Variants in PLCE1 observed in about 807,000 individuals in gnomAD.
The protein encoded by PLCE1 is 1-phosphatidylinositol 4,5-bisphosphate phosphodiesterase epsilon-1.
PLCE1 carries 119 observed loss-of-function variants against 242.8 expected under a neutral mutation model. The observed-to-expected ratio is 0.49, with a 90% CI of 0.42 to 0.57. The LOEUF (loss-of-function observed/expected upper bound fraction) is 0.57. Among genes scored for constraint, PLCE1 ranks in the 20% least tolerant of loss-of-function variants. The probability of loss-of-function intolerance (pLI) is 0.00; values close to 1 mark genes in which losing one functional copy is unlikely to be tolerated. For synonymous variants in PLCE1, 945 were observed against 1,017.4 expected, an observed-to-expected ratio of 0.93 and a Z score of 1.35; for missense variants, 2,441 against 2,788.8, an observed-to-expected ratio of 0.88 and a Z score of 2.81.
Position 94,324,963 on chromosome 10 carries a change from A to G in PLCE1, c.6792A>G (p.Lys2264=). The G allele has an allele frequency of 6.2e-7, 1 of 1,614,174 alleles. No homozygotes were observed. The highest frequency in any genetic ancestry group is 8.5e-7 in the Non-Finnish European group (1 of 1,180,008). The change falls in exon 32 of 33, where the codon AAA becomes AAG. Residue 2264 remains lysine (K), a synonymous_variant. Transcript: ENST00000371380. The part of the protein sequence containing the change: ...SELKKLTKST[K]QPRGLTSPSQ... ...TCAAGAAGCTCACCAAGTCAACTAAACAGCCCCGAGGACTTACATCACCTT... is the reference window on the plus strand; with the variant it reads ...TCAAGAAGCTCACCAAGTCAACTAAGCAGCCCCGAGGACTTACATCACCTT...
intron 27 of PLCE1, among the ~76,000 whole-genome samples, chr10:94,311,146 C>T (rs1007704059): frequency 6.6e-6 from 1 of 152,148 alleles, no homozygotes; most frequent in Non-Finnish European, 1.5e-5. Flanking sequence ...CCCAGAACCT[C>T]GATGTGTTCA....
chr10:94,139,986 G>A (rs2046903584), intron 3 of PLCE1, among the ~76,000 whole-genome samples: 3 of 152,052 alleles, frequency 2.0e-5, no homozygotes, highest in Admixed American at 2.0e-4. Context: ...CAGATTGGTA[G>A]TCTAGTTTCC....
intron 28 of PLCE1, among the ~76,000 whole-genome samples, chr10:94,314,552 C>A (rs2053503783): frequency 6.6e-6 from 1 of 152,040 alleles, no homozygotes; most frequent in African/African-American, 2.4e-5. Flanking sequence ...CAAGATAACA[C>A]CATGGCACTC....
intron 24 of PLCE1, among the ~76,000 whole-genome samples, chr10:94,301,068 G>A (rs1029413250): frequency 1.3e-5 from 2 of 151,534 alleles, no homozygotes; most frequent in African/African-American, 4.9e-5. Context: ...CTAGGGGCCG[G>A]GCACGATGGC....
intron 1 of PLCE1, among the ~76,000 whole-genome samples, chr10:94,027,018 C>T (rs1276200240): frequency 6.6e-6 from 1 of 152,142 alleles, no homozygotes; most frequent in Non-Finnish European, 1.5e-5. Flanking sequence ...AATCAAACCC[C>T]AAAGTGGTTA....
At position 94,057,713 on chromosome 10, in the gene PLCE1, G is replaced by C. The variant is rs771400895; in HGVS notation, c.1206+25461G>C. On this transcript the variant is annotated intron_variant, in intron 2 of 32. Transcript: ENST00000371380. ...ATAACAAATGACCTCAAGTGTAGTG[G>C]CTTTAAACAATAGAAATTTATCATC... Among the ~76,000 whole-genome samples the C allele has an allele frequency of 9.9e-5, 15 of 152,098 alleles. 1 individual carries two copies. Among genetic ancestry groups the C allele is most frequent in the Non-Finnish European group, 2.2e-4 (15 of 68,032 alleles).
chr10:94,077,800 A>G (rs1326366131), intron 2 of PLCE1, among the ~76,000 whole-genome samples: 1 of 152,192 alleles, frequency 6.6e-6, no homozygotes, highest in East Asian at 1.9e-4. Context: ...CAGTGTTGGA[A>G]TAAATATTGG....
At chr10:94,045,687 C>T (rs2061867225) in intron 2 of PLCE1, among the ~76,000 whole-genome samples, 1 of 152,218 alleles carries the variant, frequency 6.6e-6, no homozygotes, top group Admixed American at 6.5e-5. Flanking sequence ...AATGCCTTTA[C>T]AGTTCCTGGG....
chr10:94,049,764 A>ATCT (rs2043711352), intron 2 of PLCE1, among the ~76,000 whole-genome samples: 1 of 152,168 alleles, frequency 6.6e-6, no homozygotes, highest in Non-Finnish European at 1.5e-5. Context: ...CCTTTGTTGT[A>ATCT]TCTCCTTTCA....
chr10:94,313,188 G>A, intron 27 of PLCE1, 66 bp from the exon 28 acceptor site: 1 of 1,587,176 alleles, frequency 6.3e-7, no homozygotes, highest in Non-Finnish European at 8.6e-7. Flanking sequence ...TAGCACCTCT[G>A]TATCAAATAG....
chr10:94,253,116 A>G (rs1469073016), intron 9 of PLCE1, among the ~76,000 whole-genome samples: 4 of 152,202 alleles, frequency 2.6e-5, no homozygotes, highest in African/African-American at 9.7e-5. Flanking sequence ...GTGATAATAT[A>G]TTTGCTTCAT....
At chr10:93,994,675 A>C (rs770054019) in intron 1 of PLCE1, among the ~76,000 whole-genome samples, 6 of 152,252 alleles carry the variant, frequency 3.9e-5, no homozygotes, top group Non-Finnish European at 7.3e-5. Context: ...GTCCCGCTCT[A>C]ACTGATAACT....
chr10:94,065,991 G>C (rs2044184538), intron 2 of PLCE1, among the ~76,000 whole-genome samples: 1 of 152,140 alleles, frequency 6.6e-6, no homozygotes, highest in South Asian at 2.1e-4. Context: ...TGCTTTGTCA[G>C]TGTCCTCTCT....
At chr10:94,272,997 T>G (rs2051804860) in intron 18 of PLCE1, among the ~76,000 whole-genome samples, 1 of 152,126 alleles carries the variant, frequency 6.6e-6, no homozygotes, top group Admixed American at 6.5e-5. Context: ...GCTCAGGAGT[T>G]CGAGACCAGC....
intron 1 of PLCE1, among the ~76,000 whole-genome samples, chr10:94,029,620 C>G (rs1427546818): frequency 6.6e-6 from 1 of 152,068 alleles, no homozygotes; most frequent in African/African-American, 2.4e-5. Context: ...AGTGATTTTT[C>G]AGAGTAGTTG....
rs1205637132 is a variant in PLCE1 at position 94,234,092 on chromosome 10, A to C, written c.1994A>C (p.Gln665Pro). ...KVLKMWQFMD[Q>P]SDIETMRSLK... ...TTAAAAATGTGGCAGTTCATGGACC[A>C]GTCTGATATTGAGACCATGAGGAGC... is the stretch of plus-strand genomic sequence containing the variant. Residue 665 changes from glutamine to proline, a missense_variant, in exon 6 of 33, where the codon CAG becomes CCG. Physicochemically the swap from Gln to Pro is moderately conservative, Grantham distance 76 (BLOSUM62 -1). Coordinates refer to ENST00000371380, the MANE Select transcript of PLCE1 (RefSeq NM_016341.4). 4 of 1,613,728 alleles carry C rather than the reference A, an allele frequency of 2.5e-6. No individual in the cohort carries two copies. The highest frequency in any genetic ancestry group is 3.3e-5 in the Admixed American group (2 of 60,004).
In PLCE1 at chr10:94,262,561, C is replaced by A; in HGVS notation, c.3882C>A (p.Asn1294Lys). Residue 1294 changes from asparagine to lysine, a missense_variant, in exon 14 of 33, where the codon AAC becomes AAA. Physicochemically the swap from Asn to Lys is moderately conservative, Grantham distance 94. Around this residue, in one of 5 missense-constraint regions of PLCE1, gnomAD observed 1,004 missense variants for 1,322.7 expected, o/e 0.76. Transcript: ENST00000371380. Reference protein sequence around the residue: ...FIKSKQQLSDNQRQISDAIAA... With the variant: ...FIKSKQQLSDKQRQISDAIAA... ...AGAGTAAACAGCAGCTATCGGACAA[C>A]CAGAGGCAGATATCTGATGCCATTG... The A allele has an allele frequency of 6.2e-7, 1 of 1,614,028 alleles. No individual in the cohort carries two copies. Among genetic ancestry groups the A allele is most frequent in the Non-Finnish European group, 8.5e-7 (1 of 1,179,926 alleles).
chr10:94,313,768 G>A (rs1167768444), intron 28 of PLCE1, among the ~76,000 whole-genome samples: 1 of 152,146 alleles, frequency 6.6e-6, no homozygotes, highest in Non-Finnish European at 1.5e-5. Context: ...TAATCAATCA[G>A]AATTTGCACA....
At chr10:94,281,051 TAGTAAG>T (rs2052193749) in intron 20 of PLCE1, among the ~76,000 whole-genome samples, 1 of 152,224 alleles carries the variant, frequency 6.6e-6, no homozygotes, top group African/African-American at 2.4e-5. Flanking sequence ...TCTCATCAGA[TAGTAAG>T]AGGGGAAAAA....
Sources: allele counts gnomAD v4.1 joint callset (sites outside exome capture counted in the v4.1 genomes callset), GRCh38; gene constraint gnomAD v4.1.1; regional missense constraint gnomAD v4.1.1; transcripts MANE v1.5; gene names NCBI Gene and HGNC (gene_info 2026-07-23, HGNC 2026-07-21).